The following RBMS1 variants were observed in gnomAD, a reference collection of about 807,000 sequenced individuals.
The protein encoded by RBMS1 is RNA-binding motif, single-stranded-interacting protein 1.
Under a neutral mutation model 62.3 loss-of-function variants are expected in RBMS1, and 17 were observed. The ratio of observed to expected loss-of-function variants is 0.27; its 90% CI spans 0.19 to 0.41. The LOEUF (loss-of-function observed/expected upper bound fraction) is 0.41. RBMS1 is among the 10% of genes least tolerant of loss of function. The probability of loss-of-function intolerance (pLI) is 1.00; values close to 1 mark genes in which losing one functional copy is unlikely to be tolerated. For missense variants in RBMS1, 334 were observed against 504.5 expected, an observed-to-expected ratio of 0.66 and a Z score of 3.24; for synonymous variants, 172 against 170.0, an observed-to-expected ratio of 1.01 and a Z score of -0.09.
At position 160,284,778 on chromosome 2, in the gene RBMS1, G is replaced by A. The variant is rs1688276744; in HGVS notation, c.897C>T (p.Tyr299=). The A allele has an allele frequency of 1.3e-6, 2 of 1,586,372 alleles. No homozygotes were observed. The highest frequency in any genetic ancestry group is 2.7e-5 in the African/African-American group (2 of 74,252). The change falls in exon 9 of 14, where the codon TAC becomes TAT. Residue 299 remains tyrosine, a synonymous_variant. Transcript: ENST00000348849. ...TPYIASPVSA[Y]QVQSPSWMQP... is the part of the protein sequence containing the mutation. ...GACGAATCCTAAAGGTACAAACCTGGTAGGCAGATACAGGAGATGCAATAT... is the reference window on the plus strand; with the variant it reads ...GACGAATCCTAAAGGTACAAACCTGATAGGCAGATACAGGAGATGCAATAT...
chr2:160,375,908 A>AG (rs1553517063), intron 1 of RBMS1, among the ~76,000 whole-genome samples: 1 of 151,950 alleles, frequency 6.6e-6, no homozygotes, highest in East Asian at 1.9e-4. Context: ...AAAAAAAAAA[A>AG]AAAGAAAGAA....
chr2:160,395,129 AG>A (rs1695067824), intron 1 of RBMS1, among the ~76,000 whole-genome samples: 1 of 152,260 alleles, frequency 6.6e-6, no homozygotes, highest in African/African-American at 2.4e-5. Flanking sequence ...TCTCCACTGT[AG>A]GACTTCTTGA....
intron 1 of RBMS1, among the ~76,000 whole-genome samples, chr2:160,397,673 A>C (rs1222427747): frequency 6.6e-6 from 1 of 151,432 alleles, no homozygotes; most frequent in African/African-American, 2.4e-5. Context: ...CCCTGCCTCC[A>C]CCCTCCTTTC....
chr2:160,308,063 A>G (rs912744105), intron 4 of RBMS1, among the ~76,000 whole-genome samples: 6 of 152,166 alleles, frequency 3.9e-5, no homozygotes, highest in African/African-American at 1.4e-4. Flanking sequence ...GTGGAAAGTG[A>G]CGGGTACCCT....
intron 2 of RBMS1, among the ~76,000 whole-genome samples, chr2:160,351,617 C>T (rs1692513453): frequency 6.6e-6 from 1 of 152,060 alleles, no homozygotes; most frequent in Admixed American, 6.6e-5. Flanking sequence ...CTAAAAGTTG[C>T]TAGAAATCAT....
At position 160,272,986 on chromosome 2, in the gene RBMS1, T is replaced by TC. The variant is rs753907660; in HGVS notation, c.*1785dup. 26 of 152,300 alleles carry TC rather than the reference T, an allele frequency of 1.7e-4. No homozygotes were observed. The East Asian group carries it at 2.5e-3, about 15-fold the overall frequency. 9.4% of individuals were successfully genotyped at this position (152,300 alleles called of 1,614,324 possible). A position where few individuals can be genotyped will look rare whatever the true frequency, so the allele number is the denominator to read the frequency against. ...GGAAACAGGGAGGGCCAGCAACCTG[T>TC]CCCAGCACAAAAGAAAATAGACTCT... On this transcript the variant is annotated 3_prime_UTR_variant, in exon 14 of 14. Transcript: ENST00000348849.
At chr2:160,349,621 A>G (rs892858186) in intron 2 of RBMS1, among the ~76,000 whole-genome samples, 2 of 151,788 alleles carry the variant, frequency 1.3e-5, no homozygotes, top group African/African-American at 2.4e-5. Flanking sequence ...TACCCCAGGA[A>G]TAGGTCATGA....
chr2:160,378,504 T>G (rs140444197), intron 1 of RBMS1, among the ~76,000 whole-genome samples: 187 of 151,964 alleles, frequency 1.2e-3, no homozygotes, highest in Middle Eastern at 6.8e-3. Context: ...GTCCAACTAC[T>G]GGGGAAGCTG....
chr2:160,338,751 A>C (rs1691709004), intron 2 of RBMS1, among the ~76,000 whole-genome samples: 1 of 152,230 alleles, frequency 6.6e-6, no homozygotes, highest in Non-Finnish European at 1.5e-5. Flanking sequence ...AAAGACTTAA[A>C]AGTTCAAAAA....
rs560763515 is a variant in RBMS1 at position 160,388,656 on chromosome 2, G to A, written c.76-21265C>T. On this transcript the variant is annotated intron_variant, in intron 1 of 13. Transcript: ENST00000348849. ...TTGTCACTCCCCAGCAGGAAAAGGC[G>A]TCTCCTGGTTCTAAAACTGCCTGCT... Among the ~76,000 whole-genome samples, 20 of 152,252 alleles carry A rather than the reference G, an allele frequency of 1.3e-4. 1 individual carries two copies. In the South Asian group the frequency reaches 3.7e-3, roughly 28 times the overall value.
At chr2:160,280,002 AT>A (rs893193702) in intron 10 of RBMS1, among the ~76,000 whole-genome samples, 16 of 151,300 alleles carry the variant, frequency 1.1e-4, no homozygotes, top group African/African-American at 1.5e-4. Flanking sequence ...TCTGTTAGAA[AT>A]TTTTTTTTTA....
intron 1 of RBMS1, among the ~76,000 whole-genome samples, chr2:160,455,753 G>A (rs913745040): frequency 2.8e-5 from 4 of 143,182 alleles, no homozygotes; most frequent in Non-Finnish European, 4.5e-5. Flanking sequence ...GCGCGATCTC[G>A]GCTCACTGCA....
intron 2 of RBMS1, among the ~76,000 whole-genome samples, chr2:160,339,805 A>G (rs1057324354): frequency 6.6e-6 from 1 of 152,222 alleles, no homozygotes; most frequent in Non-Finnish European, 1.5e-5. Flanking sequence ...GTAAACACAC[A>G]GCAACATGTT....
chr2:160,350,611 T>C (rs1217678294), intron 2 of RBMS1, among the ~76,000 whole-genome samples: 1 of 152,134 alleles, frequency 6.6e-6, no homozygotes. Context: ...CATGATGAAC[T>C]GCTTCCAGAA....
chr2:160,352,124 C>A (rs748397628), intron 2 of RBMS1, among the ~76,000 whole-genome samples: 1 of 152,104 alleles, frequency 6.6e-6, no homozygotes, highest in Non-Finnish European at 1.5e-5. Flanking sequence ...TACAACATTA[C>A]GAAATTGAGT....
intron 2 of RBMS1, among the ~76,000 whole-genome samples, chr2:160,354,954 C>A (rs1445289624): frequency 1.3e-5 from 2 of 152,112 alleles, no homozygotes; most frequent in African/African-American, 4.8e-5. Flanking sequence ...TCTAGATACA[C>A]CATTTATGGA....
intron 1 of RBMS1, among the ~76,000 whole-genome samples, chr2:160,383,777 T>G (rs537653051): frequency 6.6e-6 from 1 of 152,328 alleles, no homozygotes; most frequent in African/African-American, 2.4e-5. Context: ...AGCCACTACG[T>G]TGTAATACCA....
In RBMS1 at chr2:160,438,754, C is replaced by T. The variant is rs1182219416; in HGVS notation, c.75+54535G>A. 8.5e-5 allele frequency among the ~76,000 whole-genome samples: 13 copies of T among 152,364 alleles called. No homozygotes were observed. The South Asian group carries it at 1.7e-3, about 19-fold the overall frequency. On this transcript the variant is annotated intron_variant, in intron 1 of 13. Coordinates refer to ENST00000348849, the MANE Select transcript of RBMS1 (RefSeq NM_016836.4). Reference sequence around the variant, plus strand: ...CAAAACCGCCATTGTCATCATGGCCCGTTCTCAATGAGCTGTTGGGTATAC... The same window carrying T: ...CAAAACCGCCATTGTCATCATGGCCTGTTCTCAATGAGCTGTTGGGTATAC...
At position 160,281,233 on chromosome 2, in the gene RBMS1, C is replaced by T. The variant is rs1051377892; in HGVS notation, c.951+81G>A. The T allele has an allele frequency of 1.4e-5, 16 of 1,133,326 alleles. No individual in the cohort carries two copies. In the African/African-American group the frequency reaches 2.1e-4, roughly 15 times the overall value. 70.2% of individuals were successfully genotyped at this position (1,133,326 alleles called of 1,614,324 possible). A position where few individuals can be genotyped will look rare whatever the true frequency, so the allele number is the denominator to read the frequency against. ...AAAATTTCCCAAATCCTATACCACC[C>T]TTGGCAAATGGTTTTAACCTAGAGA... On this transcript the variant is annotated intron_variant, in intron 10 of 13. Transcript: ENST00000348849.
Sources: gnomAD v4.1 joint callset for allele counts (sites outside exome capture counted in the v4.1 genomes callset) on GRCh38, gnomAD v4.1.1 for gene constraint, MANE v1.5 for transcripts, NCBI Gene and HGNC (gene_info 2026-07-23, HGNC 2026-07-21) for gene names.